The following FHIT variants were observed in gnomAD, a reference collection of about 807,000 sequenced individuals.
The protein encoded by FHIT is fragile histidine triad diadenosine triphosphatase, also known as bis(5'-adenosyl)-triphosphatase.
Under a neutral mutation model 17.9 loss-of-function variants are expected in FHIT, and 19 were observed. The observed-to-expected ratio is 1.06, with a 90% CI of 0.74 to 1.56. The LOEUF (loss-of-function observed/expected upper bound fraction) is 1.56, where lower values mean the gene tolerates loss of function less well. FHIT is among the 40% of genes most tolerant of loss of function. The pLI is 0.00. For missense variants in FHIT, 248 were observed against 189.2 expected, an observed-to-expected ratio of 1.31 and a Z score of -1.82; for synonymous variants, 81 against 69.7, an observed-to-expected ratio of 1.16 and a Z score of -0.81.
intron 5 of FHIT, among the ~76,000 whole-genome samples, chr3:60,353,794 A>T (rs1272390780): frequency 6.6e-6 from 1 of 152,158 alleles, no homozygotes; most frequent in Non-Finnish European, 1.5e-5. Flanking sequence ...ATCAAGTTAA[A>T]ATGAGACAGA....
intron 8 of FHIT, among the ~76,000 whole-genome samples, chr3:59,780,641 G>T (rs1428656907): frequency 6.6e-6 from 1 of 152,140 alleles, no homozygotes; most frequent in Non-Finnish European, 1.5e-5. Context: ...CATGAAGGTG[G>T]AGCCCCAGGA....
In FHIT at chr3:59,949,566, A is replaced by G. The variant is rs1367339823; in HGVS notation, c.280-27152T>C. On this transcript the variant is annotated intron_variant, in intron 7 of 9. Coordinates refer to ENST00000492590, the MANE Select transcript of FHIT (RefSeq NM_002012.4). Reference sequence around the variant, plus strand: ...CTAAGCATTTAATACTTTGGAAAGGATAACTAATTACAAAAAGAAATACAC... The same window carrying G: ...CTAAGCATTTAATACTTTGGAAAGGGTAACTAATTACAAAAAGAAATACAC... Among the ~76,000 whole-genome samples the G allele has an allele frequency of 2.0e-5, 3 of 152,238 alleles. No homozygotes were observed. The South Asian group carries it at 6.2e-4, about 32-fold the overall frequency.
intron 3 of FHIT, among the ~76,000 whole-genome samples, chr3:60,855,290 A>G (rs374267268): frequency 1.2e-4 from 18 of 152,222 alleles, no homozygotes; most frequent in African/African-American, 4.1e-4. Flanking sequence ...TGTGACCTAG[A>G]TCTAACCAAT....
intron 4 of FHIT, among the ~76,000 whole-genome samples, chr3:60,661,770 T>C (rs1203073414): frequency 1.3e-5 from 2 of 152,308 alleles, no homozygotes; most frequent in East Asian, 1.9e-4. Flanking sequence ...TAGTATTACA[T>C]TGTGGTTTTG....
intron 4 of FHIT, among the ~76,000 whole-genome samples, chr3:60,732,869 T>C (rs1326230213): frequency 6.6e-6 from 1 of 151,840 alleles, no homozygotes; most frequent in Non-Finnish European, 1.5e-5. Flanking sequence ...TTTGTATTTT[T>C]AGTAGAGGCG....
intron 5 of FHIT, among the ~76,000 whole-genome samples, chr3:60,131,036 T>C (rs1699563855): frequency 1.4e-5 from 1 of 70,906 alleles, no homozygotes; most frequent in African/African-American, 1.1e-4. Flanking sequence ...TACATATGTG[T>C]ATATATACAC....
chr3:60,203,611 A>G lies in FHIT; in HGVS notation c.104-189459T>C, dbSNP rs553592934. ...GCACTGCTCTGTGCAACTATATAAT[A>G]ACTATTACCTGGTCAACCTATGTCA... On this transcript the variant is annotated intron_variant, in intron 5 of 9. Coordinates refer to ENST00000492590, the MANE Select transcript of FHIT (RefSeq NM_002012.4). Among the ~76,000 whole-genome samples the G allele has an allele frequency of 3.3e-5, 5 of 152,324 alleles. No homozygotes were observed. In the South Asian group the frequency reaches 1.0e-3, roughly 32 times the overall value.
intron 5 of FHIT, among the ~76,000 whole-genome samples, chr3:60,374,324 T>G (rs1246705319): frequency 6.6e-6 from 1 of 152,074 alleles, no homozygotes; most frequent in Non-Finnish European, 1.5e-5. Context: ...GTAAGAAGTC[T>G]CTATTTTTTT....
intron 7 of FHIT, among the ~76,000 whole-genome samples, chr3:59,971,205 C>T (rs1390909536): frequency 6.6e-6 from 1 of 152,064 alleles, no homozygotes; most frequent in Admixed American, 6.6e-5. Flanking sequence ...CACTCTGAGT[C>T]CTATTTGAAA....
At chr3:60,508,296 A>C (rs776701854) in intron 5 of FHIT, among the ~76,000 whole-genome samples, 2 of 152,234 alleles carry the variant, frequency 1.3e-5, no homozygotes, top group Non-Finnish European at 2.9e-5. Flanking sequence ...ACTACTATCC[A>C]TGAAGCGATA....
chr3:60,403,856 A>G (rs1252975620), intron 5 of FHIT, among the ~76,000 whole-genome samples: 1 of 152,190 alleles, frequency 6.6e-6, no homozygotes, highest in Non-Finnish European at 1.5e-5. Flanking sequence ...ATGTAAAATT[A>G]TGATCAAATA....
intron 7 of FHIT, among the ~76,000 whole-genome samples, chr3:59,970,034 G>A (rs1430560859): frequency 6.6e-6 from 1 of 151,658 alleles, no homozygotes; most frequent in South Asian, 2.1e-4. Flanking sequence ...CATTTTGCTG[G>A]GTAGGGAACC....
intron 5 of FHIT, among the ~76,000 whole-genome samples, chr3:60,199,342 CTTT>C (rs891503809): frequency 1.3e-5 from 2 of 151,940 alleles, no homozygotes; most frequent in Non-Finnish European, 2.9e-5. Context: ...TTTTGTTTTT[CTTT>C]TTTAAGTTTG....
At chr3:59,974,285 G>C (rs753228203) in intron 7 of FHIT, among the ~76,000 whole-genome samples, 1 of 152,150 alleles carries the variant, frequency 6.6e-6, no homozygotes. Flanking sequence ...TCTGTGCATA[G>C]TTTTGCCTCA....
intron 5 of FHIT, among the ~76,000 whole-genome samples, chr3:60,050,423 A>G (rs1194272636): frequency 6.6e-6 from 1 of 152,178 alleles, no homozygotes; most frequent in Non-Finnish European, 1.5e-5. Context: ...TCAGTCCATC[A>G]TGAAGCCCTA....
intron 4 of FHIT, among the ~76,000 whole-genome samples, chr3:60,694,614 C>T (rs1252452996): frequency 6.6e-6 from 1 of 152,136 alleles, no homozygotes; most frequent in African/African-American, 2.4e-5. Flanking sequence ...CACATGCACA[C>T]ATATGTTTAT....
intron 1 of FHIT, among the ~76,000 whole-genome samples, chr3:61,202,309 T>C (rs568125968): frequency 1.3e-5 from 2 of 150,314 alleles, no homozygotes; most frequent in South Asian, 4.2e-4. Context: ...GTCCGGGAAG[T>C]GAGGAGCGCC....
intron 3 of FHIT, among the ~76,000 whole-genome samples, chr3:61,012,397 T>TA (rs927476148): frequency 4.0e-5 from 6 of 151,366 alleles, no homozygotes; most frequent in Non-Finnish European, 7.4e-5. Flanking sequence ...GGATGAATCA[T>TA]AAAAAAAAAT....
At chr3:60,487,296 C>G (rs4485674) in intron 5 of FHIT, among the ~76,000 whole-genome samples, 13,815 of 152,152 alleles carry the variant, frequency 0.091, 1,052 homozygotes, top group East Asian at 0.39. Flanking sequence ...CACTGAGCAG[C>G]TCTAGGAAGC....
Sources: allele counts gnomAD v4.1 joint callset (sites outside exome capture counted in the v4.1 genomes callset), GRCh38; gene constraint gnomAD v4.1.1; transcripts MANE v1.5; gene names NCBI Gene and HGNC (gene_info 2026-07-23, HGNC 2026-07-21).